GRID2IP: variants seen among roughly 807,000 people sequenced by gnomAD.
The protein encoded by GRID2IP is Grid2 interacting protein, also known as delphilin.
Under a neutral mutation model 114.3 loss-of-function variants are expected in GRID2IP, and 78 were observed. The observed-to-expected ratio is 0.68, with a 90% CI of 0.57 to 0.82. The LOEUF (loss-of-function observed/expected upper bound fraction) is 0.82, where lower values mean the gene tolerates loss of function less well. Among genes scored for constraint, GRID2IP ranks in the 40% least tolerant of loss-of-function variants. The pLI is 0.00. For missense variants in GRID2IP, 1,727 were observed against 1,678.5 expected, an observed-to-expected ratio of 1.03 and a Z score of -0.51; for synonymous variants, 809 against 724.0, an observed-to-expected ratio of 1.12 and a Z score of -1.89.
At chr7:6,541,030 C>T (rs1304784083) in intron 1 of GRID2IP, among the ~76,000 whole-genome samples, 2 of 151,892 alleles carry the variant, frequency 1.3e-5, no homozygotes. Context: ...CCCTCATCTA[C>T]TTAAAGAGAA....
chr7:6,545,677 G>A (rs369657206), intron 1 of GRID2IP, among the ~76,000 whole-genome samples: 4 of 152,192 alleles, frequency 2.6e-5, no homozygotes, highest in East Asian at 1.9e-4. Flanking sequence ...TGATGATCCG[G>A]GGTCTCATGC....
intron 8 of GRID2IP, among the ~76,000 whole-genome samples, chr7:6,512,746 C>T (rs540808189): frequency 1.5e-4 from 23 of 152,048 alleles, no homozygotes; most frequent in African/African-American, 5.5e-4. Flanking sequence ...CCTGACCTCA[C>T]GTGATTGGCC....
In GRID2IP at chr7:6,532,344, C is replaced by T. The variant is rs910018301; in HGVS notation, c.585-5575G>A. Among the ~76,000 whole-genome samples, 1 of 152,118 alleles carries T rather than the reference C, an allele frequency of 6.6e-6. No homozygotes were observed. Among genetic ancestry groups the T allele is most frequent in the African/African-American group, 2.4e-5 (1 of 41,420 alleles). ...GCGGGAACAGGAGAGGCAAGATGCC[C>T]CGGGGACTTTCCCTCTGTCTCACTC... On this transcript the variant is annotated intron_variant, in intron 2 of 21. Coordinates refer to ENST00000457091, the MANE Select transcript of GRID2IP (RefSeq NM_001145118.2). The surrounding 1 kb of genome is among the most constrained non-coding windows in gnomAD (Gnocchi z 4.4).
chr7:6,544,794 A>T (rs1415094414), intron 1 of GRID2IP, among the ~76,000 whole-genome samples: 2 of 152,084 alleles, frequency 1.3e-5, no homozygotes, highest in Non-Finnish European at 2.9e-5. Context: ...CTAAAAAATG[A>T]AAGACAGCCG....
At chr7:6,545,171 T>C (rs1779868970) in intron 1 of GRID2IP, among the ~76,000 whole-genome samples, 1 of 151,960 alleles carries the variant, frequency 6.6e-6, no homozygotes, top group South Asian at 2.1e-4. Flanking sequence ...ACCAGATACT[T>C]GGGAGGCCGA....
rs752672201 is a variant in GRID2IP, at chr7:6,551,252, C to G, written c.185G>C (p.Arg62Pro). ...VEGLAVGGLS[R>P]ERLVRLARRC... ...CCGTGCCAGGCGCACGAGGCGCTCG[C>G]GGCTCAGACCGCCCACCGCCAGCCC... The change falls in exon 1 of 22, where the codon CGC becomes CCC. Residue 62 changes from arginine (R) to proline (P), a missense_variant. By Grantham distance (103) the Arg-to-Pro change is moderately radical. Transcript: ENST00000457091. 3.3e-6 allele frequency: 5 copies of G among 1,533,708 alleles called. No individual in the cohort carries two copies. In the African/African-American group the frequency reaches 6.9e-5, roughly 21 times the overall value.
chr7:6,548,616 T>A (rs1466253914), intron 1 of GRID2IP, among the ~76,000 whole-genome samples: 1 of 151,874 alleles, frequency 6.6e-6, no homozygotes, highest in Non-Finnish European at 1.5e-5. Context: ...AGCAGATGGA[T>A]CACGAGGTCA....
chr7:6,533,294 C>T (rs970458322), intron 2 of GRID2IP, among the ~76,000 whole-genome samples: 6 of 152,184 alleles, frequency 3.9e-5, no homozygotes, highest in Non-Finnish European at 8.8e-5. Flanking sequence ...GAAGCCAATA[C>T]TAATTGAGCA....
Position 6,500,668 on chromosome 7 carries a change from C to T in GRID2IP, c.3399+1113G>A, listed in dbSNP as rs73674124. ...TGCAGTCAGAGGAATGTGACAGGGG[C>T]TTTCACCACCTACTGCCCTGGCCAC... is the stretch of plus-strand genomic sequence containing the variant. On this transcript the variant is annotated intron_variant, in intron 20 of 21. Coordinates refer to ENST00000457091, the MANE Select transcript of GRID2IP (RefSeq NM_001145118.2). Among the ~76,000 whole-genome samples, 279 of 152,354 alleles carry T rather than the reference C, an allele frequency of 1.8e-3. 1 individual carries two copies. Among genetic ancestry groups the T allele is most frequent in the African/African-American group, 6.4e-3 (266 of 41,580 alleles).
Position 6,551,389 on chromosome 7 carries a change from G to T in GRID2IP, c.48C>A (p.Asp16Glu). The T allele has an allele frequency of 6.5e-7, 1 of 1,547,990 alleles. No homozygotes were observed. The highest frequency in any genetic ancestry group is 8.7e-7 in the Non-Finnish European group (1 of 1,145,798). Residue 16 changes from aspartate (D) to glutamate (E), a missense_variant, in exon 1 of 22, where the codon GAC becomes GAA. Coordinates refer to ENST00000457091, the MANE Select transcript of GRID2IP (RefSeq NM_001145118.2). Reference sequence around the variant, plus strand: ...CAGAGCCACCTAGCCGGAAGCCAAAGTCCTCTGGCCAGCCCTGGTTCGTGG... The same window carrying T: ...CAGAGCCACCTAGCCGGAAGCCAAATTCCTCTGGCCAGCCCTGGTTCGTGG... ...TPATNQGWPE[D>E]FGFRLGGSGP...
Position 6,534,131 on chromosome 7 carries a change from C to A in GRID2IP, c.584+5587G>T, listed in dbSNP as rs1298194862. Among the ~76,000 whole-genome samples the A allele has an allele frequency of 6.6e-6, 1 of 152,130 alleles. No individual in the cohort carries two copies. The highest frequency in any genetic ancestry group is 2.4e-5 in the African/African-American group (1 of 41,418). ...CCCTGCTGAGAACACCCAGAAACTA[C>A]CAAGCCCGTTTTACAGACAAACTGT... is the stretch of plus-strand genomic sequence containing the variant. On this transcript the variant is annotated intron_variant, in intron 2 of 21. Transcript: ENST00000457091. The surrounding 1 kb of genome is among the most constrained non-coding windows in gnomAD (Gnocchi z 4.5).
chr7:6,540,881 G>A (rs1001375490), intron 1 of GRID2IP, among the ~76,000 whole-genome samples: 1 of 151,680 alleles, frequency 6.6e-6, no homozygotes, highest in African/African-American at 2.4e-5. Context: ...CTGTTGTCTA[G>A]GCTGGAGTGC....
chr7:6,540,687 A>ATTTTT (rs34930808), intron 1 of GRID2IP, among the ~76,000 whole-genome samples: 1,177 of 92,244 alleles, frequency 0.013, 63 homozygotes, highest in African/African-American at 0.047. Flanking sequence ...CACCTGGCTA[A>ATTTTT]TTTTTTTTTT....
intron 1 of GRID2IP, among the ~76,000 whole-genome samples, chr7:6,548,155 C>A (rs994590431): frequency 6.6e-6 from 1 of 152,238 alleles, no homozygotes; most frequent in Admixed American, 6.5e-5. Context: ...GAGTTCAAGA[C>A]CAGCCTGGAC....
rs1779696464 is a variant in GRID2IP, at chr7:6,534,789, AC to A, written c.584+4928del. ...GAGTGCAGTGGCTTGTTCTCACCTC[AC>A]TGCAACCTCCACCTCCCGGGTTCAA... On this transcript the variant is annotated intron_variant, in intron 2 of 21. Transcript: ENST00000457091. The surrounding 1 kb of genome is among the most constrained non-coding windows in gnomAD (Gnocchi z 4.5). 1.3e-5 allele frequency among the ~76,000 whole-genome samples: 2 copies of A among 151,448 alleles called. No homozygotes were observed.
chr7:6,507,778 G>A lies in GRID2IP; in HGVS notation c.2544+207C>T, dbSNP rs1310686540. 6.6e-6 allele frequency among the ~76,000 whole-genome samples: 1 copy of A among 152,238 alleles called. No individual in the cohort carries two copies. On this transcript the variant is annotated intron_variant, in intron 13 of 21. Coordinates refer to ENST00000457091, the MANE Select transcript of GRID2IP (RefSeq NM_001145118.2). The surrounding 1 kb of genome is among the most constrained non-coding windows in gnomAD (Gnocchi z 5.3). ...GCATTTCCAGGTGTCCCCAGTGTGT[G>A]TCTTTGGCTGAGGGACACAGATTGG... is the stretch of plus-strand genomic sequence containing the variant.
Position 6,507,973 on chromosome 7 carries a change from C to T in GRID2IP, c.2544+12G>A, listed in dbSNP as rs1786643210. ...CCCAGTACAGAGCGCTGCTGGGTCCCAGGTCACCTACCTGACCCCAGATGG... is the reference window on the plus strand; with the variant it reads ...CCCAGTACAGAGCGCTGCTGGGTCCTAGGTCACCTACCTGACCCCAGATGG... On this transcript the variant is annotated intron_variant, in intron 13 of 21. Coordinates refer to ENST00000457091, the MANE Select transcript of GRID2IP (RefSeq NM_001145118.2). This position sits in a 1 kb window ranked among gnomAD's most constrained non-coding sequence, Gnocchi z 5.3. 3 of 1,549,754 alleles carry T rather than the reference C, an allele frequency of 1.9e-6. No homozygotes were observed. The highest frequency in any genetic ancestry group is 2.6e-6 in the Non-Finnish European group (3 of 1,146,702).
intron 1 of GRID2IP, among the ~76,000 whole-genome samples, chr7:6,548,782 C>G (rs566705705): frequency 3.1e-4 from 46 of 149,710 alleles, no homozygotes; most frequent in Non-Finnish European, 5.9e-4. Flanking sequence ...GTGGAGGTTG[C>G]AGTGAGCCGA....
intron 1 of GRID2IP, 146 bp from the exon 2 acceptor site, chr7:6,540,018 C>T (rs1583353205): frequency 1.8e-6 from 1 of 568,492 alleles, no homozygotes. Context: ...CCATATCATG[C>T]CCCTTCCTTC....
Sources: gnomAD v4.1 joint callset for allele counts (sites outside exome capture counted in the v4.1 genomes callset) on GRCh38, gnomAD v4.1.1 for gene constraint, Gnocchi (gnomAD v3.1) non-coding constraint, MANE v1.5 for transcripts, NCBI Gene and HGNC (gene_info 2026-07-23, HGNC 2026-07-21) for gene names.